ZNF678: variants seen among roughly 807,000 people sequenced by gnomAD.
ZNF678 encodes zinc finger protein 678.
Under a neutral mutation model 3.0 loss-of-function variants are expected in ZNF678, and 5 were observed. The ratio of observed to expected loss-of-function variants is 1.69; its 90% confidence interval spans 0.88 to 3.56. ZNF678 has a LOEUF of 3.56. ZNF678 is among the 30% of genes most tolerant of loss of function. The pLI is 0.00. For synonymous variants in ZNF678, 218 were observed against 199.6 expected (o/e 1.09, Z -0.78); for missense variants, 593 against 605.0 (o/e 0.98, Z 0.21).
chr1:227,644,599 G>T (rs1410216500), intron 1 of ZNF678, among the ~76,000 whole-genome samples: 1 of 152,088 alleles, frequency 6.6e-6, no homozygotes, highest in Non-Finnish European at 1.5e-5. Context: ...GGCCTAGGAG[G>T]ATCAACATTA....
chr1:227,616,309 G>C (rs1658139105), intron 1 of ZNF678, among the ~76,000 whole-genome samples: 1 of 152,042 alleles, frequency 6.6e-6, no homozygotes, highest in Admixed American at 6.6e-5. Context: ...AGAAATAAAG[G>C]CATATATATA....
chr1:227,595,433 C>A (rs1657555379), intron 1 of ZNF678, among the ~76,000 whole-genome samples: 1 of 152,162 alleles, frequency 6.6e-6, no homozygotes, highest in African/African-American at 2.4e-5. Context: ...AGGGACCTAT[C>A]CAGGCTTCTT....
intron 1 of ZNF678, among the ~76,000 whole-genome samples, chr1:227,595,102 T>G (rs1188080800): frequency 6.6e-6 from 1 of 152,130 alleles, no homozygotes; most frequent in African/African-American, 2.4e-5. Context: ...TACCTTCAAT[T>G]ATCAATTACA....
In ZNF678 at chr1:227,572,842, G is replaced by A. The variant is rs184094102; in HGVS notation, c.-164+9118G>A. 1.2e-3 allele frequency among the ~76,000 whole-genome samples: 186 copies of A among 152,336 alleles called. 2 individuals are homozygous for A. Among genetic ancestry groups the A allele is most frequent in the Non-Finnish European group, 5.1e-4 (35 of 68,036 alleles). On this transcript the variant is annotated intron_variant, in intron 1 of 3. Coordinates refer to ENST00000343776, the MANE Select transcript of ZNF678 (RefSeq NM_001367909.1). ...AGCTCTGGCAACAGAGGACATTTCC[G>A]GTGTTAGAGATTCTCAGTGTCTGGC...
intron 1 of ZNF678, among the ~76,000 whole-genome samples, chr1:227,629,573 C>T (rs572589771): frequency 6.6e-6 from 1 of 152,186 alleles, no homozygotes; most frequent in African/African-American, 2.4e-5. Context: ...ACTGAGAAGG[C>T]CGTGCCAGTG....
chr1:227,674,950 G>A (rs886810471), intron 5 of ZNF678, among the ~76,000 whole-genome samples: 5 of 152,080 alleles, frequency 3.3e-5, no homozygotes, highest in African/African-American at 1.2e-4. Context: ...TAAACATGAT[G>A]TTGACATTTG....
chr1:227,669,718 G>C (rs1452923531), intron 5 of ZNF678, among the ~76,000 whole-genome samples: 1 of 151,848 alleles, frequency 6.6e-6, no homozygotes, highest in Non-Finnish European at 1.5e-5. Context: ...TGCTATCAAG[G>C]CTGCAGATAA....
At chr1:227,603,197 G>C (rs1367944662) in intron 1 of ZNF678, among the ~76,000 whole-genome samples, 1 of 152,188 alleles carries the variant, frequency 6.6e-6, no homozygotes, top group Non-Finnish European at 1.5e-5. Flanking sequence ...TGTCTCCAGA[G>C]CTCCAAATCT....
chr1:227,674,852 A>G (rs1453042704), intron 5 of ZNF678, among the ~76,000 whole-genome samples: 7 of 152,242 alleles, frequency 4.6e-5, no homozygotes, highest in African/African-American at 9.6e-5. Context: ...CAGCCTCCCA[A>G]AGTGCTGGGA....
intron 1 of ZNF678, among the ~76,000 whole-genome samples, chr1:227,586,729 C>T (rs1657272523): frequency 6.6e-6 from 1 of 152,192 alleles, no homozygotes; most frequent in Non-Finnish European, 1.5e-5. Context: ...CAAGGTGTTT[C>T]TTCCTTGGCA....
chr1:227,625,510 G>A (rs1658388366), intron 1 of ZNF678, among the ~76,000 whole-genome samples: 1 of 152,126 alleles, frequency 6.6e-6, no homozygotes. Flanking sequence ...ACTATTTGTA[G>A]TTTTACAGCT....
Position 227,659,936 on chromosome 1 carries a change from G to T in ZNF678, c.*4108G>T, listed in dbSNP as rs752661007. On this transcript the variant is annotated 3_prime_UTR_variant, in exon 4 of 4. Transcript: ENST00000343776. Reference sequence around the variant, plus strand: ...CTGTATTCACTCTGCACTACAATAGGTCTCTTGAACTAATTCCTCCTAGCT... The same window carrying T: ...CTGTATTCACTCTGCACTACAATAGTTCTCTTGAACTAATTCCTCCTAGCT... 1 of 151,042 alleles carries T rather than the reference G, an allele frequency of 6.6e-6. No individual in the cohort carries two copies. The highest frequency in any genetic ancestry group is 1.5e-5 in the Non-Finnish European group (1 of 67,822). 9.4% of individuals were successfully genotyped at this position (151,042 alleles called of 1,614,324 possible).
Position 227,638,311 on chromosome 1 carries a change from A to G in ZNF678, c.-163-8233A>G. 6.6e-6 allele frequency among the ~76,000 whole-genome samples: 1 copy of G among 152,230 alleles called. No individual in the cohort carries two copies. The highest frequency in any genetic ancestry group is 1.9e-4 in the East Asian group (1 of 5,200). ...TGAAGTATATGGGTCAGGAACTACT[A>G]GACAGCTTGGTTAATGAGCCTGAGG... On this transcript the variant is annotated intron_variant, in intron 1 of 3. Coordinates refer to ENST00000343776, the MANE Select transcript of ZNF678 (RefSeq NM_001367909.1). This position sits in a 1 kb window ranked among gnomAD's most constrained non-coding sequence, Gnocchi z 4.2.
chr1:227,607,654 T>C (rs1047454616), intron 1 of ZNF678, among the ~76,000 whole-genome samples: 10 of 149,602 alleles, frequency 6.7e-5, no homozygotes, highest in Admixed American at 2.7e-4. Context: ...GTCTTAAATA[T>C]ATAGCTATTT....
Position 227,563,705 on chromosome 1 carries a change from A to C in ZNF678, c.-183A>C. ...AGTTACATAGCTAAGATGCCAGGAC[A>C]CCCCGAAAGCCGGAAAACGGTGAGA... is the stretch of plus-strand genomic sequence containing the variant. On this transcript the variant is annotated 5_prime_UTR_variant, in exon 1 of 4. Coordinates refer to ENST00000343776, the MANE Select transcript of ZNF678 (RefSeq NM_001367909.1). 7.5e-7 allele frequency: 1 copy of C among 1,332,150 alleles called. No homozygotes were observed. The highest frequency in any genetic ancestry group is 1.0e-6 in the Non-Finnish European group (1 of 1,002,916). 82.5% of individuals were successfully genotyped at this position (1,332,150 alleles called of 1,614,324 possible).
intron 1 of ZNF678, among the ~76,000 whole-genome samples, chr1:227,635,786 C>T (rs988616411): frequency 1.3e-5 from 2 of 152,066 alleles, no homozygotes; most frequent in African/African-American, 2.4e-5. Context: ...GCTATCTTGC[C>T]GGCACATGCT....
In ZNF678 at chr1:227,654,564, A is replaced by G. The variant is rs750933265; in HGVS notation, c.314A>G (p.Asn105Ser). 3 of 1,613,290 alleles carry G rather than the reference A, an allele frequency of 1.9e-6. No homozygotes were observed. Among genetic ancestry groups the G allele is most frequent in the Non-Finnish European group, 2.5e-6 (3 of 1,179,514 alleles). The change falls in exon 4 of 4, where the codon AAT becomes AGT. Residue 105 changes from asparagine to serine, a missense_variant. Coordinates refer to ENST00000343776, the MANE Select transcript of ZNF678 (RefSeq NM_001367909.1). ...TTTCAATGTATTGAATGTGGCAGAA[A>G]TTTTAGCTGGAGGTCAATCCTTACT... The part of the protein sequence containing the change: ...KIFQCIECGR[N>S]FSWRSILTEH...
intron 1 of ZNF678, among the ~76,000 whole-genome samples, chr1:227,609,038 T>G (rs1657948813): frequency 6.6e-6 from 1 of 152,102 alleles, no homozygotes; most frequent in Non-Finnish European, 1.5e-5. Flanking sequence ...AAACTAGATA[T>G]TTCCAAAACG....
chr1:227,648,380 C>T (rs978225923), intron 2 of ZNF678, among the ~76,000 whole-genome samples: 1 of 151,888 alleles, frequency 6.6e-6, no homozygotes, highest in African/African-American at 2.4e-5. Flanking sequence ...TATGTATGTC[C>T]AACATAAAAA....
Sources: gnomAD v4.1 joint callset for allele counts (sites outside exome capture counted in the v4.1 genomes callset) on GRCh38, gnomAD v4.1.1 for gene constraint, Gnocchi (gnomAD v3.1) non-coding constraint, MANE v1.5 for transcripts, NCBI Gene and HGNC (gene_info 2026-07-23, HGNC 2026-07-21) for gene names.